Variants in VTI1A observed in about 807,000 individuals in gnomAD.
The protein encoded by VTI1A is vesicle transport through interaction with t-SNAREs 1A, also known as vesicle transport through interaction with t-SNAREs homolog 1A.
A neutral mutation model predicts 34.9 loss-of-function variants in VTI1A; 22 were observed. The ratio of observed to expected loss-of-function variants is 0.63; its 90% CI spans 0.45 to 0.90. The LOEUF (loss-of-function observed/expected upper bound fraction) is 0.90, where lower values mean the gene tolerates loss of function less well. Ranked by LOEUF, VTI1A falls within the 40% of genes least tolerant of loss-of-function variation. The pLI is 0.00. For synonymous variants in VTI1A, 87 were observed against 97.3 expected (o/e 0.89, Z 0.62); for missense variants, 268 against 275.6 (o/e 0.97, Z 0.20).
intron 7 of VTI1A, among the ~76,000 whole-genome samples, chr10:112,686,314 G>A (rs1848410272): frequency 6.6e-6 from 1 of 152,164 alleles, no homozygotes; most frequent in African/African-American, 2.4e-5. Flanking sequence ...TTTTGGTGGT[G>A]TAAATTTTCA....
At chr10:112,839,518 A>G in the VTI1A span, among the ~76,000 whole-genome samples, 4 of 131,040 alleles carry the variant, frequency 3.1e-5, no homozygotes, top group Non-Finnish European at 4.8e-5. Flanking sequence ...CTTTTTAAGG[A>G]CTGCTGGCTG....
chr10:112,546,006 A>ATGTGTGTGTATATACGTGTATACGCG (rs1851082100), intron 5 of VTI1A, among the ~76,000 whole-genome samples: 1 of 143,694 alleles, frequency 7.0e-6, no homozygotes, highest in African/African-American at 2.6e-5. Flanking sequence ...GTATACGCGT[A>ATGTGTGTGTATATACGTGTATACGCG]TGTGTGTGTA....
Position 112,656,646 on chromosome 10 carries a change from G to A in VTI1A, c.428-11572G>A, listed in dbSNP as rs140693981. On this transcript the variant is annotated intron_variant, in intron 5 of 7. Transcript: ENST00000393077. The stretch of plus-strand genomic sequence containing the variant: ...GGCCTCCCAAAGTGCTGAGATTATA[G>A]GCATGAGCCACCACACCCAGCCTAC... Among the ~76,000 whole-genome samples, 1,037 of 150,512 alleles carry A rather than the reference G, an allele frequency of 6.9e-3. 17 individuals are homozygous for A. Among genetic ancestry groups the A allele is most frequent in the African/African-American group, 0.024 (987 of 41,034 alleles).
intron 7 of VTI1A, among the ~76,000 whole-genome samples, chr10:112,785,780 A>G (rs999473883): frequency 2.6e-5 from 4 of 152,116 alleles, no homozygotes; most frequent in Non-Finnish European, 5.9e-5. Context: ...GTAAATATAA[A>G]TGTTTATTTC....
chr10:112,683,714 T>C (rs1200363608), intron 7 of VTI1A, among the ~76,000 whole-genome samples: 1 of 152,174 alleles, frequency 6.6e-6, no homozygotes, highest in Non-Finnish European at 1.5e-5. Flanking sequence ...TGCCAAGTTT[T>C]AAAAAGTTAT....
intron 7 of VTI1A, among the ~76,000 whole-genome samples, chr10:112,678,672 A>G (rs1441741421): frequency 6.6e-6 from 1 of 152,228 alleles, no homozygotes; most frequent in African/African-American, 2.4e-5. Context: ...GTATTCACAC[A>G]TCAATTTTAA....
At chr10:112,854,744 C>T in the VTI1A span, among the ~76,000 whole-genome samples, 15 of 152,262 alleles carry the variant, frequency 9.9e-5, no homozygotes, top group South Asian at 1.0e-3. Context: ...TGGAATGAGG[C>T]GACACCAGTA....
chr10:112,546,058 G>GCGTATGTGTGTATATACGTGTATACA (rs1851097429), intron 5 of VTI1A, among the ~76,000 whole-genome samples: 9 of 147,690 alleles, frequency 6.1e-5, no homozygotes, highest in African/African-American at 1.3e-4. Context: ...ACGTGTATAC[G>GCGTATGTGTGTATATACGTGTATACA]CGTATGTGTG....
the VTI1A span, among the ~76,000 whole-genome samples, chr10:112,838,750 A>C: frequency 6.6e-6 from 1 of 152,218 alleles, no homozygotes; most frequent in Non-Finnish European, 1.5e-5. Context: ...GCTTCCAGGC[A>C]TCTGGCGCCA....
At chr10:112,469,777 T>C (rs1263578249) in intron 3 of VTI1A, among the ~76,000 whole-genome samples, 1 of 152,238 alleles carries the variant, frequency 6.6e-6, no homozygotes, top group Non-Finnish European at 1.5e-5. Flanking sequence ...TCCCATCCTC[T>C]ACATATGCAA....
chr10:112,459,707 A>G (rs1158363499), intron 1 of VTI1A, among the ~76,000 whole-genome samples: 2 of 152,222 alleles, frequency 1.3e-5, no homozygotes, highest in African/African-American at 4.8e-5. Context: ...TATGTGAACA[A>G]ATAGGCTGAC....
chr10:112,462,948 G>A (rs975927571), intron 2 of VTI1A, among the ~76,000 whole-genome samples: 4 of 141,672 alleles, frequency 2.8e-5, no homozygotes, highest in East Asian at 2.1e-4. Flanking sequence ...TTATTGAGAC[G>A]GAGTCTCGCT....
At chr10:112,618,349 A>G (rs1489192249) in intron 5 of VTI1A, among the ~76,000 whole-genome samples, 1 of 151,050 alleles carries the variant, frequency 6.6e-6, no homozygotes, top group Non-Finnish European at 1.5e-5. Context: ...CTCAATAAAA[A>G]TTAGCCCCTA....
At chr10:112,503,526 T>C (rs1468141475) in intron 3 of VTI1A, among the ~76,000 whole-genome samples, 1 of 152,228 alleles carries the variant, frequency 6.6e-6, no homozygotes, top group Non-Finnish European at 1.5e-5. Flanking sequence ...GGTAAGTTAC[T>C]AATTTTGTAA....
chr10:112,700,182 C>A (rs1848960846), intron 7 of VTI1A, among the ~76,000 whole-genome samples: 1 of 149,294 alleles, frequency 6.7e-6, no homozygotes, highest in South Asian at 2.2e-4. Flanking sequence ...TTATCCCCAT[C>A]TTACAGATAG....
chr10:112,733,211 A>T (rs1473433594), intron 7 of VTI1A, among the ~76,000 whole-genome samples: 2 of 151,676 alleles, frequency 1.3e-5, no homozygotes, highest in Non-Finnish European at 2.9e-5. Flanking sequence ...TTGATTTTTT[A>T]TTTTTTATTT....
chr10:112,769,058 G>A (rs1010284945), intron 7 of VTI1A, among the ~76,000 whole-genome samples: 1 of 152,158 alleles, frequency 6.6e-6, no homozygotes, highest in Non-Finnish European at 1.5e-5. Flanking sequence ...TTTTAGGACT[G>A]ACAGTTACTC....
At chr10:112,700,117 CA>C (rs1201699870) in intron 7 of VTI1A, among the ~76,000 whole-genome samples, 2,198 of 40,222 alleles carry the variant, frequency 0.055, 45 homozygotes, top group African/African-American at 0.14. Flanking sequence ...GACTCCATCT[CA>C]AAAAAAAAAA....
At chr10:112,698,440 A>T (rs1439447260) in intron 7 of VTI1A, among the ~76,000 whole-genome samples, 1 of 152,224 alleles carries the variant, frequency 6.6e-6, no homozygotes, top group African/African-American at 2.4e-5. Context: ...GAAACTATAG[A>T]CGTAAATCCT....
Sources: gnomAD v4.1 joint callset for allele counts (sites outside exome capture counted in the v4.1 genomes callset) on GRCh38, gnomAD v4.1.1 for gene constraint, MANE v1.5 for transcripts, NCBI Gene and HGNC (gene_info 2026-07-23, HGNC 2026-07-21) for gene names.